ZMYND11: variants seen among roughly 807,000 people sequenced by gnomAD.
The protein encoded by ZMYND11 is zinc finger MYND domain-containing protein 11.
In ZMYND11, 9 loss-of-function variants were observed where a neutral mutation model predicts 84.9. That is an observed-to-expected ratio of 0.11 (90% CI 0.06 to 0.18). The LOEUF is 0.18. Among genes scored for constraint, ZMYND11 ranks in the 10% least tolerant of loss-of-function variants. ZMYND11 has a pLI of 1.00. For synonymous variants in ZMYND11, 250 were observed against 244.1 expected, an observed-to-expected ratio of 1.02 and a Z score of -0.23; for missense variants, 409 against 761.0, an observed-to-expected ratio of 0.54 and a Z score of 5.44.
intron 1 of ZMYND11, among the ~76,000 whole-genome samples, chr10:152,162 A>G (rs1177522137): frequency 6.6e-6 from 1 of 152,180 alleles, no homozygotes; most frequent in Non-Finnish European, 1.5e-5. Context: ...ATTAACTAAT[A>G]AGCAAAATAA....
intron 1 of ZMYND11, among the ~76,000 whole-genome samples, chr10:141,602 C>T (rs1387787291): frequency 6.6e-6 from 1 of 152,122 alleles, no homozygotes; most frequent in Non-Finnish European, 1.5e-5. Context: ...ATATTAACAA[C>T]CTGAGGGTTT....
chr10:240,017 A>T, intron 7 of ZMYND11, 39 bp from the exon 8 acceptor site: 1 of 1,547,480 alleles, frequency 6.5e-7, no homozygotes, highest in Non-Finnish European at 8.8e-7. Flanking sequence ...TTGTATTTGC[A>T]GACTATTGCT....
intron 4 of ZMYND11, among the ~76,000 whole-genome samples, chr10:233,068 C>A (rs1949278721): frequency 6.6e-6 from 1 of 152,204 alleles, no homozygotes; most frequent in South Asian, 2.1e-4. Flanking sequence ...ATGACGAGGT[C>A]TCTTAGGAAG....
intron 4 of ZMYND11, among the ~76,000 whole-genome samples, chr10:222,893 C>T (rs114403274): frequency 0.02 from 3,065 of 152,208 alleles, 99 homozygotes; most frequent in African/African-American, 0.07. Context: ...ACAGGTTAAG[C>T]TTCTTTGTAG....
At chr10:234,514 AG>A (rs1949582907) in intron 4 of ZMYND11, among the ~76,000 whole-genome samples, 1 of 152,232 alleles carries the variant, frequency 6.6e-6, no homozygotes. Context: ...TTCCTATTAA[AG>A]GAACTATAAC....
chr10:179,899 C>G (rs982129561), intron 1 of ZMYND11, 95 bp from the exon 2 acceptor site: 1 of 646,564 alleles, frequency 1.5e-6, no homozygotes, highest in African/African-American at 1.9e-5. Context: ...TAAGTATAAT[C>G]AATAGTTGAG....
chr10:136,874 G>C (rs571450543), intron 1 of ZMYND11, among the ~76,000 whole-genome samples: 2 of 152,192 alleles, frequency 1.3e-5, no homozygotes, highest in South Asian at 4.1e-4. Flanking sequence ...GTATGTGCAC[G>C]GTACCGTGCT....
intron 1 of ZMYND11, among the ~76,000 whole-genome samples, chr10:176,724 G>A (rs1272147719): frequency 6.6e-6 from 1 of 152,124 alleles, no homozygotes; most frequent in Non-Finnish European, 1.5e-5. Flanking sequence ...TATTTGGTTT[G>A]ATTCCAGGAG....
chr10:194,746 G>C (rs1189320421), intron 2 of ZMYND11, among the ~76,000 whole-genome samples: 1 of 152,066 alleles, frequency 6.6e-6, no homozygotes, highest in Non-Finnish European at 1.5e-5. Context: ...TTTTTTTATG[G>C]AGTTAGTTTA....
intron 1 of ZMYND11, among the ~76,000 whole-genome samples, chr10:138,461 CAT>C (rs1234479348): frequency 6.3e-4 from 96 of 152,266 alleles, no homozygotes; most frequent in African/African-American, 2.2e-3. Flanking sequence ...CAATGAATGA[CAT>C]ATGTTTATTT....
chr10:201,607 T>C (rs371707079), intron 2 of ZMYND11, among the ~76,000 whole-genome samples: 790 of 35,024 alleles, frequency 0.023, 2 homozygotes, highest in African/African-American at 0.081. Context: ...CACACACACA[T>C]TATATATATA....
At chr10:210,457 T>A (rs1945001862) in intron 3 of ZMYND11, among the ~76,000 whole-genome samples, 1 of 152,204 alleles carries the variant, frequency 6.6e-6, no homozygotes, top group African/African-American at 2.4e-5. Context: ...TAGGATGGTA[T>A]CACAGCCCAA....
At chr10:142,137 C>T (rs992620555) in intron 1 of ZMYND11, among the ~76,000 whole-genome samples, 1 of 152,144 alleles carries the variant, frequency 6.6e-6, no homozygotes, top group African/African-American at 2.4e-5. Flanking sequence ...TAGACAGGGT[C>T]TCATTCTGTA....
At chr10:174,946 C>T (rs889455658) in intron 1 of ZMYND11, among the ~76,000 whole-genome samples, 9 of 150,434 alleles carry the variant, frequency 6.0e-5, no homozygotes, top group African/African-American at 1.7e-4. Flanking sequence ...ATACATTGGT[C>T]AGAACCCATG....
chr10:201,827 T>C (rs991880680), intron 2 of ZMYND11, among the ~76,000 whole-genome samples: 2 of 152,092 alleles, frequency 1.3e-5, no homozygotes, highest in African/African-American at 4.8e-5. Context: ...TCAGAGAAAT[T>C]GAATGTATAC....
At chr10:168,919 C>T (rs1248537284) in intron 1 of ZMYND11, among the ~76,000 whole-genome samples, 2 of 152,080 alleles carry the variant, frequency 1.3e-5, no homozygotes, top group Non-Finnish European at 2.9e-5. Context: ...TCAGAGGGAC[C>T]CAGTCACGGG....
At chr10:236,045 C>T (rs746601072) in intron 4 of ZMYND11, among the ~76,000 whole-genome samples, 2 of 152,176 alleles carry the variant, frequency 1.3e-5, no homozygotes, top group East Asian at 3.9e-4. Context: ...TATCTAGTGA[C>T]CTGAAAAAGT....
At chr10:201,737 C>T (rs944423049) in intron 2 of ZMYND11, among the ~76,000 whole-genome samples, 1 of 151,854 alleles carries the variant, frequency 6.6e-6, no homozygotes, top group African/African-American at 2.4e-5. Context: ...GAGAAGGGAG[C>T]GCTCTGGGGT....
chr10:192,761 G>GT (rs1940780088), intron 2 of ZMYND11, among the ~76,000 whole-genome samples: 1 of 152,194 alleles, frequency 6.6e-6, no homozygotes, highest in Non-Finnish European at 1.5e-5. Context: ...TCACTTGGAT[G>GT]TTTGAACTTG....
Sources: allele counts gnomAD v4.1 joint callset (sites outside exome capture counted in the v4.1 genomes callset), GRCh38; gene constraint gnomAD v4.1.1; transcripts MANE v1.5; gene names NCBI Gene and HGNC (gene_info 2026-07-23, HGNC 2026-07-21).